Variants in POLQ observed in about 807,000 individuals in gnomAD.
POLQ encodes the protein DNA polymerase theta.
A neutral mutation model predicts 259.2 loss-of-function variants in POLQ; 233 were observed. That is an observed-to-expected ratio of 0.90 (90% CI 0.81 to 1.00). The LOEUF is 1.00. POLQ is among the 50% of genes least tolerant of loss of function. POLQ has a pLI of 0.00. For missense variants in POLQ, 2,871 were observed against 3,051.6 expected (o/e 0.94, Z 1.39); for synonymous variants, 1,025 against 1,048.8 (o/e 0.98, Z 0.44).
intron 24 of POLQ, among the ~76,000 whole-genome samples, chr3:121,464,659 A>T (rs184115534): frequency 6.6e-6 from 1 of 152,284 alleles, no homozygotes; most frequent in East Asian, 1.9e-4. Flanking sequence ...CCACAAGTGG[A>T]AAGTTCCACA....
At chr3:121,464,896 A>G (rs921195226) in intron 24 of POLQ, among the ~76,000 whole-genome samples, 1 of 152,204 alleles carries the variant, frequency 6.6e-6, no homozygotes, top group Non-Finnish European at 1.5e-5. Flanking sequence ...CTTAACTTGT[A>G]ATAATGAGTA....
intron 5 of POLQ, among the ~76,000 whole-genome samples, chr3:121,534,529 G>A (rs150194335): frequency 9.2e-5 from 14 of 152,140 alleles, no homozygotes; most frequent in Non-Finnish European, 1.6e-4. Flanking sequence ...TTGCCATGTT[G>A]GGCAGGCTCA....
At chr3:121,509,103 T>G (rs1290356474) in intron 12 of POLQ, among the ~76,000 whole-genome samples, 1 of 152,224 alleles carries the variant, frequency 6.6e-6, no homozygotes, top group African/African-American at 2.4e-5. Context: ...TTTTGTTTTT[T>G]ATCTTATGAA....
intron 26 of POLQ, among the ~76,000 whole-genome samples, chr3:121,445,128 G>A (rs920333373): frequency 6.6e-6 from 1 of 152,154 alleles, no homozygotes; most frequent in African/African-American, 2.4e-5. Context: ...CTCACAGAAT[G>A]AGTCTGGAAG....
intron 28 of POLQ, among the ~76,000 whole-genome samples, chr3:121,434,218 C>G (rs530353479): frequency 2.6e-5 from 4 of 152,230 alleles, no homozygotes; most frequent in Non-Finnish European, 5.9e-5. Context: ...CTTCCTCATG[C>G]TCACCTTCCT....
intron 26 of POLQ, among the ~76,000 whole-genome samples, chr3:121,441,920 G>A (rs2047595612): frequency 6.6e-6 from 1 of 152,012 alleles, no homozygotes; most frequent in South Asian, 2.1e-4. Flanking sequence ...CTTTGTTTTT[G>A]GCATCTCAGT....
At position 121,506,093 on chromosome 3, in the gene POLQ, TTAA is replaced by T. The variant is rs1180532757; in HGVS notation, c.1959+3465_1959+3467del. 5.3e-5 allele frequency among the ~76,000 whole-genome samples: 8 copies of T among 151,074 alleles called. No homozygotes were observed. The South Asian group carries it at 1.3e-3, about 24-fold the overall frequency. Reference sequence around the variant, plus strand: ...CTTGAAGAAAATGTGGGTGAATTCCTTAATAATTTCAGAGCAAAAAAAATTTCT... The same window carrying T: ...CTTGAAGAAAATGTGGGTGAATTCCTTAATTTCAGAGCAAAAAAAATTTCT... On this transcript the variant is annotated intron_variant, in intron 12 of 29. Transcript: ENST00000264233.
intron 20 of POLQ, among the ~76,000 whole-genome samples, chr3:121,475,102 A>C (rs183279302): frequency 6.6e-6 from 1 of 152,312 alleles, no homozygotes; most frequent in Non-Finnish European, 1.5e-5. Flanking sequence ...AATAAATATT[A>C]GAATCGATTC....
chr3:121,471,635 G>A (rs3772120), intron 22 of POLQ, among the ~76,000 whole-genome samples: 18,655 of 152,092 alleles, frequency 0.12, 1,220 homozygotes, highest in East Asian at 0.15. Flanking sequence ...CCAGCTACTC[G>A]GGAGGTTGAG....
chr3:121,526,908 T>C (rs1316539929), intron 7 of POLQ, among the ~76,000 whole-genome samples: 2 of 151,740 alleles, frequency 1.3e-5, no homozygotes, highest in Non-Finnish European at 2.9e-5. Context: ...CGCACGCACG[T>C]GCATCTGTGG....
chr3:121,506,494 T>G (rs2048210344), intron 12 of POLQ, among the ~76,000 whole-genome samples: 1 of 152,200 alleles, frequency 6.6e-6, no homozygotes, highest in Non-Finnish European at 1.5e-5. Context: ...ACATTTTATA[T>G]AAATGGGGAA....
chr3:121,472,295 T>C, intron 21 of POLQ, 131 bp from the exon 22 acceptor site: 2 of 462,800 alleles, frequency 4.3e-6, no homozygotes, highest in Non-Finnish European at 7.6e-6. Context: ...AACTATTACT[T>C]GGAGTTTTTT....
intron 22 of POLQ, 102 bp from the exon 23 acceptor site, chr3:121,468,533 A>T: frequency 1.4e-6 from 1 of 716,952 alleles, no homozygotes; most frequent in Non-Finnish European, 2.4e-6. Context: ...GCAGACTATC[A>T]ATGCTGAACT....
At chr3:121,457,530 A>G (rs991521690) in intron 25 of POLQ, among the ~76,000 whole-genome samples, 33 of 152,174 alleles carry the variant, frequency 2.2e-4, no homozygotes, top group African/African-American at 8.0e-4. Context: ...ACTCAAACAA[A>G]CTTACAAGAA....
At chr3:121,522,386 A>ACTG (rs71133544) in intron 7 of POLQ, among the ~76,000 whole-genome samples, 88,866 of 139,758 alleles carry the variant, frequency 0.64, 28,289 homozygotes, top group East Asian at 0.89. Context: ...ATCTCGGCTC[A>ACTG]CTGCAAGCTC....
At position 121,489,616 on chromosome 3, in the gene POLQ, A is replaced by T; in HGVS notation, c.3315T>A (p.Gly1105=). 6.2e-7 allele frequency: 1 copy of T among 1,613,862 alleles called. No individual in the cohort carries two copies. Among genetic ancestry groups the T allele is most frequent in the Non-Finnish European group, 8.5e-7 (1 of 1,179,870 alleles). The change falls in exon 16 of 30, where the codon GGT becomes GGA. Residue 1105 remains glycine, a synonymous_variant. Coordinates refer to ENST00000264233, the MANE Select transcript of POLQ (RefSeq NM_199420.4). ...ATGATGTTTTATTATCTTTTTCCTTACCACTCAAAGATACATTTTTAGCAA... is the reference window on the plus strand; with the variant it reads ...ATGATGTTTTATTATCTTTTTCCTTTCCACTCAAAGATACATTTTTAGCAA... ...GPFAKNVSLS[G]KEKDNKTSFP... is the part of the protein sequence containing the mutation.
intron 12 of POLQ, among the ~76,000 whole-genome samples, chr3:121,499,727 T>G (rs772265054): frequency 3.3e-5 from 5 of 152,124 alleles, no homozygotes; most frequent in Non-Finnish European, 5.9e-5. Context: ...CAACAAAAAT[T>G]ATGAAACATA....
At chr3:121,477,791 A>G (rs2047939236) in intron 19 of POLQ, among the ~76,000 whole-genome samples, 1 of 152,068 alleles carries the variant, frequency 6.6e-6, no homozygotes, top group Non-Finnish European at 1.5e-5. Context: ...CTCCACACAA[A>G]CATTATTTGA....
At chr3:121,509,493 T>C (rs2048235380) in intron 12 of POLQ, 68 bp downstream of exon 12, 1 of 1,326,098 alleles carries the variant, frequency 7.5e-7, no homozygotes. Context: ...GTATCTTTGA[T>C]GTTCAGGATT....
Sources: allele counts gnomAD v4.1 joint callset (sites outside exome capture counted in the v4.1 genomes callset), GRCh38; gene constraint gnomAD v4.1.1; transcripts MANE v1.5; gene names NCBI Gene and HGNC (gene_info 2026-07-23, HGNC 2026-07-21).